WDR72: variants seen among roughly 807,000 people sequenced by gnomAD.
WDR72 encodes the protein WD repeat-containing protein 72.
In WDR72, 120 loss-of-function variants were observed where a neutral mutation model predicts 124.2. The ratio of observed to expected loss-of-function variants is 0.97; its 90% CI spans 0.83 to 1.12. The LOEUF (loss-of-function observed/expected upper bound fraction) is 1.12. Among genes scored for constraint, WDR72 ranks in the 50% most tolerant of loss-of-function variants. The probability of loss-of-function intolerance (pLI) is 0.00; values close to 1 mark genes in which losing one functional copy is unlikely to be tolerated. For synonymous variants in WDR72, 452 were observed against 441.7 expected (o/e 1.02, Z -0.29); for missense variants, 1,387 against 1,278.8 (o/e 1.08, Z -1.29).
intron 18 of WDR72, among the ~76,000 whole-genome samples, chr15:53,537,160 C>T (rs1170678869): frequency 6.6e-6 from 1 of 152,024 alleles, no homozygotes; most frequent in African/African-American, 2.4e-5. Context: ...AGGTCATTAT[C>T]CTTTATTATG....
chr15:53,710,737 C>G, intron 9 of WDR72, 120 bp downstream of exon 9: 1 of 808,566 alleles, frequency 1.2e-6, no homozygotes, highest in Non-Finnish European at 2.1e-6. Flanking sequence ...TTCTCATTAA[C>G]AACTTGATGG....
intron 13 of WDR72, among the ~76,000 whole-genome samples, chr15:53,693,913 A>G (rs2016922300): frequency 1.3e-5 from 2 of 152,196 alleles, no homozygotes. Flanking sequence ...ATGCTATGCT[A>G]TAATCATGAG....
At chr15:53,743,620 T>A (rs2018565943) in intron 1 of WDR72, among the ~76,000 whole-genome samples, 1 of 152,170 alleles carries the variant, frequency 6.6e-6, no homozygotes, top group Non-Finnish European at 1.5e-5. Flanking sequence ...TTCCAAATCA[T>A]TAGGATTTCC....
chr15:53,695,416 C>T (rs979179376), intron 13 of WDR72, among the ~76,000 whole-genome samples: 4 of 152,200 alleles, frequency 2.6e-5, no homozygotes, highest in South Asian at 2.1e-4. Flanking sequence ...CATTATTACG[C>T]CTATTGTGTC....
chr15:53,583,216 A>C (rs2012023952), intron 18 of WDR72, among the ~76,000 whole-genome samples: 1 of 152,066 alleles, frequency 6.6e-6, no homozygotes, highest in South Asian at 2.1e-4. Context: ...AAAGTGGGCC[A>C]AGAATTACTT....
chr15:53,685,029 G>A (rs1055623011), intron 13 of WDR72, among the ~76,000 whole-genome samples: 4 of 152,184 alleles, frequency 2.6e-5, no homozygotes, highest in South Asian at 2.1e-4. Flanking sequence ...ACTAATAAAC[G>A]GAAAGGACAT....
At position 53,699,865 on chromosome 15, in the gene WDR72, G is replaced by C. The variant is rs746603501; in HGVS notation, c.1650C>G (p.Leu550=). The change falls in exon 13 of 20, where the codon CTC becomes CTG. Residue 550 remains leucine (L), a synonymous_variant. Coordinates refer to ENST00000360509, the MANE Select transcript of WDR72 (RefSeq NM_182758.4). The stretch of plus-strand genomic sequence containing the variant: ...GAAAAAGGTGCTTCCGGGCATGCAG[G>C]AGGCAACTCTTTCCCTCAAGGTGAA... ...ALLHLEGKSC[L]LHARKHLFPV... 4.1e-5 allele frequency: 66 copies of C among 1,613,956 alleles called. No individual in the cohort carries two copies. Among genetic ancestry groups the C allele is most frequent in the Middle Eastern group, 3.3e-4 (2 of 6,084 alleles).
chr15:53,657,700 T>G (rs2015477198), intron 14 of WDR72, among the ~76,000 whole-genome samples: 1 of 152,160 alleles, frequency 6.6e-6, no homozygotes, highest in Admixed American at 6.5e-5. Flanking sequence ...ATGATATAAA[T>G]ATTTATTCAC....
chr15:53,675,724 A>G (rs1281626157), intron 13 of WDR72, among the ~76,000 whole-genome samples: 1 of 152,148 alleles, frequency 6.6e-6, no homozygotes, highest in East Asian at 1.9e-4. Flanking sequence ...TTCTGGTGTC[A>G]ATTAATTTAA....
intron 17 of WDR72, among the ~76,000 whole-genome samples, chr15:53,600,328 C>T (rs1460551827): frequency 6.6e-6 from 1 of 152,006 alleles, no homozygotes; most frequent in Non-Finnish European, 1.5e-5. Context: ...GTTTATATGG[C>T]ATTTTATATA....
intron 14 of WDR72, among the ~76,000 whole-genome samples, chr15:53,643,029 A>G (rs2014910015): frequency 6.6e-6 from 1 of 152,062 alleles, no homozygotes; most frequent in Non-Finnish European, 1.5e-5. Flanking sequence ...TTCCTTATCT[A>G]TAAGCTTCTC....
chr15:53,686,237 A>T (rs919357490), intron 13 of WDR72, among the ~76,000 whole-genome samples: 10 of 151,898 alleles, frequency 6.6e-5, no homozygotes, highest in African/African-American at 2.4e-4. Flanking sequence ...AAATGGACTA[A>T]ATGCTCCCAT....
chr15:53,731,456 G>T (rs2018200876), intron 2 of WDR72, among the ~76,000 whole-genome samples: 1 of 151,948 alleles, frequency 6.6e-6, no homozygotes. Context: ...GTGAGGAGCT[G>T]TCATGTGCAC....
chr15:53,571,631 G>T (rs1435954186), intron 18 of WDR72, among the ~76,000 whole-genome samples: 1 of 152,066 alleles, frequency 6.6e-6, no homozygotes, highest in Non-Finnish European at 1.5e-5. Flanking sequence ...GGACACTTAG[G>T]TTGATCCCAT....
At chr15:53,710,148 G>A (rs1459621738) in intron 9 of WDR72, among the ~76,000 whole-genome samples, 2 of 152,118 alleles carry the variant, frequency 1.3e-5, no homozygotes, top group Non-Finnish European at 2.9e-5. Context: ...AATTATATTT[G>A]TTTTAACAAG....
intron 18 of WDR72, among the ~76,000 whole-genome samples, chr15:53,576,640 G>T (rs2140312294): frequency 6.6e-6 from 1 of 152,026 alleles, no homozygotes; most frequent in Non-Finnish European, 1.5e-5. Context: ...TCAACTTAAA[G>T]CTACCTCTCT....
Position 53,644,880 on chromosome 15 carries a change from C to T in WDR72, c.1962+20692G>A, listed in dbSNP as rs567491041. On this transcript the variant is annotated intron_variant, in intron 14 of 19. Coordinates refer to ENST00000360509, the MANE Select transcript of WDR72 (RefSeq NM_182758.4). ...AGAGACAACATTACCAAGCTAATGG[C>T]ACGGGCAATCATGGGGCCACTACGC... Among the ~76,000 whole-genome samples, 6 of 152,168 alleles carry T rather than the reference C, an allele frequency of 3.9e-5. No individual in the cohort carries two copies. In the South Asian group the frequency reaches 1.0e-3, roughly 26 times the overall value.
intron 2 of WDR72, among the ~76,000 whole-genome samples, chr15:53,725,673 G>GTGTA (rs1386457440): frequency 6.6e-6 from 1 of 152,188 alleles, no homozygotes; most frequent in African/African-American, 2.4e-5. Flanking sequence ...AACCACTGAT[G>GTGTA]TGTATTACCA....
rs1472595932 is a variant in WDR72 at position 53,514,059 on chromosome 15, G to C, written c.*3640C>G. 1.3e-5 allele frequency: 2 copies of C among 152,160 alleles called. No individual in the cohort carries two copies. Among genetic ancestry groups the C allele is most frequent in the Non-Finnish European group, 2.9e-5 (2 of 68,036 alleles). 9.4% of individuals were successfully genotyped at this position (152,160 alleles called of 1,614,324 possible). A position where few individuals can be genotyped will look rare whatever the true frequency, so the allele number is the denominator to read the frequency against. ...TGATCTGGGGACTATTGTACATGAA[G>C]CCATGCAGCTTTGTCTGAAAGATAC... is the stretch of plus-strand genomic sequence containing the variant. On this transcript the variant is annotated 3_prime_UTR_variant, in exon 20 of 20. Transcript: ENST00000360509.
Sources: gnomAD v4.1 joint callset for allele counts (sites outside exome capture counted in the v4.1 genomes callset) on GRCh38, gnomAD v4.1.1 for gene constraint, MANE v1.5 for transcripts, NCBI Gene and HGNC (gene_info 2026-07-23, HGNC 2026-07-21) for gene names.